Variants in ARID5B observed in about 807,000 individuals in gnomAD.
ARID5B encodes AT-rich interactive domain-containing protein 5B.
ARID5B carries 13 observed loss-of-function variants against 97.2 expected under a neutral mutation model. The observed-to-expected ratio is 0.13, with a 90% CI of 0.09 to 0.21. The LOEUF (loss-of-function observed/expected upper bound fraction) is 0.21, where lower values mean the gene tolerates loss of function less well. Among genes scored for constraint, ARID5B ranks in the 10% least tolerant of loss-of-function variants. The pLI, the probability that ARID5B is intolerant of heterozygous loss-of-function variation, is 1.00. For missense variants in ARID5B, 1,210 were observed against 1,465.3 expected (o/e 0.83, Z 2.84); for synonymous variants, 556 against 570.3 (o/e 0.97, Z 0.36).
intron 8 of ARID5B, among the ~76,000 whole-genome samples, chr10:62,079,214 G>A (rs1395750280): frequency 6.6e-6 from 1 of 152,170 alleles, no homozygotes; most frequent in Admixed American, 6.5e-5. Flanking sequence ...GTATGAAGAT[G>A]CACAGCCACC....
intron 3 of ARID5B, among the ~76,000 whole-genome samples, chr10:61,942,292 T>G (rs947041341): frequency 1.3e-5 from 2 of 152,226 alleles, no homozygotes; most frequent in Non-Finnish European, 2.9e-5. Context: ...CTTTTTGCAG[T>G]TGATTCCAGA....
At chr10:61,962,382 A>G (rs1296880818) in intron 3 of ARID5B, among the ~76,000 whole-genome samples, 1 of 152,230 alleles carries the variant, frequency 6.6e-6, no homozygotes, top group Non-Finnish European at 1.5e-5. Flanking sequence ...TAAAAGCTGA[A>G]GCACCATTAG....
intron 3 of ARID5B, among the ~76,000 whole-genome samples, chr10:61,968,166 C>T (rs1838572520): frequency 7.3e-6 from 1 of 136,164 alleles, no homozygotes; most frequent in African/African-American, 2.8e-5. Flanking sequence ...CATGGCAAGT[C>T]AGCACACACA....
chr10:62,072,454 C>T (rs1240521696), intron 8 of ARID5B, among the ~76,000 whole-genome samples: 3 of 152,122 alleles, frequency 2.0e-5, no homozygotes, highest in Admixed American at 2.0e-4. Context: ...TACAGAATTC[C>T]AGTCCTAGCA....
chr10:61,914,550 C>T (rs1843865770), intron 2 of ARID5B, among the ~76,000 whole-genome samples: 1 of 152,200 alleles, frequency 6.6e-6, no homozygotes, highest in Non-Finnish European at 1.5e-5. Context: ...AAACCGAATT[C>T]ACGCTTCCTT....
chr10:62,069,994 T>C (rs1840041860), intron 8 of ARID5B, among the ~76,000 whole-genome samples, 197 bp downstream of exon 8: 1 of 152,064 alleles, frequency 6.6e-6, no homozygotes, highest in Non-Finnish European at 1.5e-5. Flanking sequence ...AAATTAGATG[T>C]TCTTTTAGTT....
Position 62,095,889 on chromosome 10 carries a change from A to T in ARID5B, c.*2859A>T, listed in dbSNP as rs1158524193. 2 of 230,546 alleles carry T rather than the reference A, an allele frequency of 8.7e-6. No individual in the cohort carries two copies. The highest frequency in any genetic ancestry group is 1.7e-5 in the Non-Finnish European group (2 of 116,226). 14.3% of individuals were successfully genotyped at this position (230,546 alleles called of 1,614,324 possible). A position where few individuals can be genotyped will look rare whatever the true frequency, so the allele number is the denominator to read the frequency against. ...GAATCGAATTGGCAGTGGAGTCATA[A>T]ATCTATTTACTGAGTGTGGCTTCCA... On this transcript the variant is annotated 3_prime_UTR_variant, in exon 10 of 10. Coordinates refer to ENST00000279873, the MANE Select transcript of ARID5B (RefSeq NM_032199.3).
chr10:62,009,983 C>T (rs569067121), intron 4 of ARID5B, among the ~76,000 whole-genome samples: 1 of 152,288 alleles, frequency 6.6e-6, no homozygotes, highest in African/African-American at 2.4e-5. Context: ...TAGCTTTCTG[C>T]ACAGACAAAA....
intron 2 of ARID5B, among the ~76,000 whole-genome samples, chr10:61,911,135 A>G (rs937943220): frequency 1.3e-5 from 2 of 152,216 alleles, no homozygotes; most frequent in Non-Finnish European, 2.9e-5. Context: ...CTTGTCTTTG[A>G]GAATAATGGG....
intron 2 of ARID5B, among the ~76,000 whole-genome samples, chr10:61,906,442 T>C (rs989310749): frequency 1.3e-5 from 2 of 152,346 alleles, no homozygotes; most frequent in East Asian, 3.9e-4. Flanking sequence ...ACATTCATTT[T>C]CCAATTGCCA....
chr10:61,999,672 GT>G (rs1839049971), intron 3 of ARID5B, among the ~76,000 whole-genome samples: 1 of 152,194 alleles, frequency 6.6e-6, no homozygotes, highest in Admixed American at 6.5e-5. Flanking sequence ...AGGATCATCT[GT>G]ATAATCCAAT....
chr10:62,075,006 C>A (rs1317079916), intron 8 of ARID5B, among the ~76,000 whole-genome samples: 1 of 152,194 alleles, frequency 6.6e-6, no homozygotes, highest in African/African-American at 2.4e-5. Context: ...TTTACAAAAG[C>A]ATCAGTCAGC....
intron 5 of ARID5B, 137 bp from the exon 6 acceptor site, chr10:62,056,980 C>T: frequency 1.3e-6 from 1 of 773,200 alleles, no homozygotes; most frequent in Non-Finnish European, 2.0e-6. Context: ...CTCTGAAAAG[C>T]TATTAAAAGC....
rs191089389 is a variant in ARID5B, at chr10:62,068,419, T to C, written c.1102-1281T>C. Among the ~76,000 whole-genome samples the C allele has an allele frequency of 1.9e-3, 286 of 152,266 alleles. 3 individuals carry two copies. The highest frequency in any genetic ancestry group is 6.8e-3 in the African/African-American group (281 of 41,540). ...AGAAGGGTTTATGAAAATGAAGGGGTTCTTTCTATTTGAAATAGAAAAGGT... is the reference window on the plus strand; with the variant it reads ...AGAAGGGTTTATGAAAATGAAGGGGCTCTTTCTATTTGAAATAGAAAAGGT... On this transcript the variant is annotated intron_variant, in intron 7 of 9. Coordinates refer to ENST00000279873, the MANE Select transcript of ARID5B (RefSeq NM_032199.3).
chr10:62,058,814 C>T (rs1187364267), intron 6 of ARID5B, among the ~76,000 whole-genome samples: 2 of 152,136 alleles, frequency 1.3e-5, no homozygotes, highest in Non-Finnish European at 2.9e-5. Context: ...ATTAAAGTGG[C>T]TGTTATTTAT....
intron 9 of ARID5B, among the ~76,000 whole-genome samples, chr10:62,090,631 G>T (rs1840355453): frequency 6.6e-6 from 1 of 152,172 alleles, no homozygotes; most frequent in African/African-American, 2.4e-5. Flanking sequence ...ATTTTGATAG[G>T]TATCTCATAA....
At chr10:61,923,307 T>G (rs1028235431) in intron 2 of ARID5B, among the ~76,000 whole-genome samples, 3 of 152,148 alleles carry the variant, frequency 2.0e-5, no homozygotes, top group Admixed American at 6.5e-5. Flanking sequence ...AGAGAGACCT[T>G]TCCTGACCAC....
intron 4 of ARID5B, 130 bp from the exon 5 acceptor site, chr10:62,050,758 G>C (rs1392760643): frequency 1.4e-6 from 1 of 729,326 alleles, no homozygotes; most frequent in African/African-American, 1.8e-5. Flanking sequence ...TAATAATGAG[G>C]GCTGCCTGCC....
chr10:61,923,496 A>G (rs564770506), intron 2 of ARID5B, among the ~76,000 whole-genome samples: 19 of 152,208 alleles, frequency 1.2e-4, no homozygotes, highest in Non-Finnish European at 2.2e-4. Flanking sequence ...AGTGCCTGGC[A>G]TAGAGTCGGT....
Sources: allele counts gnomAD v4.1 joint callset (sites outside exome capture counted in the v4.1 genomes callset), GRCh38; gene constraint gnomAD v4.1.1; transcripts MANE v1.5; gene names NCBI Gene and HGNC (gene_info 2026-07-23, HGNC 2026-07-21).